Variants in SRPK2 observed in about 807,000 individuals in gnomAD.
SRPK2 encodes SFRS protein kinase 2.
SRPK2 carries 21 observed loss-of-function variants against 90.8 expected under a neutral mutation model. The ratio of observed to expected loss-of-function variants is 0.23; its 90% CI spans 0.16 to 0.33. The LOEUF (loss-of-function observed/expected upper bound fraction) is 0.33, where lower values mean the gene tolerates loss of function less well. Ranked by LOEUF, SRPK2 falls within the 10% of genes least tolerant of loss-of-function variation. The probability of loss-of-function intolerance (pLI) is 1.00; values close to 1 mark genes in which losing one functional copy is unlikely to be tolerated. For synonymous variants in SRPK2, 288 were observed against 311.1 expected (o/e 0.93, Z 0.78); for missense variants, 620 against 869.0 (o/e 0.71, Z 3.60).
At chr7:105,287,905 G>T (rs2130947601) in intron 2 of SRPK2, among the ~76,000 whole-genome samples, 1 of 152,172 alleles carries the variant, frequency 6.6e-6, no homozygotes, top group East Asian at 1.9e-4. Flanking sequence ...TCTTACCAAA[G>T]GATGCCCCAT....
intron 2 of SRPK2, among the ~76,000 whole-genome samples, chr7:105,232,788 G>A (rs1799611616): frequency 6.6e-6 from 1 of 152,128 alleles, no homozygotes; most frequent in African/African-American, 2.4e-5. Context: ...GCTGAGGCAG[G>A]TGGATTACGA....
chr7:105,184,100 G>A (rs112142930), intron 3 of SRPK2, among the ~76,000 whole-genome samples: 62,248 of 148,052 alleles, frequency 0.42, 14,743 homozygotes, highest in Non-Finnish European at 0.53. Context: ...CTCAGCCTCC[G>A]GAGTAGCTGG....
chr7:105,248,473 G>A (rs1802025783), intron 2 of SRPK2, among the ~76,000 whole-genome samples: 1 of 150,008 alleles, frequency 6.7e-6, no homozygotes, highest in Non-Finnish European at 1.5e-5. Context: ...GCATGGTGGT[G>A]TGCACCTATA....
At chr7:105,185,546 CA>C (rs1051226020) in intron 3 of SRPK2, among the ~76,000 whole-genome samples, 2 of 151,520 alleles carry the variant, frequency 1.3e-5, no homozygotes, top group African/African-American at 4.8e-5. Flanking sequence ...GTTCTCTTGT[CA>C]AAAAATAATA....
intron 2 of SRPK2, among the ~76,000 whole-genome samples, chr7:105,281,388 G>A (rs1373905545): frequency 6.6e-6 from 1 of 152,066 alleles, no homozygotes; most frequent in East Asian, 1.9e-4. Flanking sequence ...GAGCAACCAC[G>A]CCTGGCCTCC....
At chr7:105,260,473 G>A (rs912032130) in intron 2 of SRPK2, among the ~76,000 whole-genome samples, 4 of 152,162 alleles carry the variant, frequency 2.6e-5, no homozygotes, top group Admixed American at 2.0e-4. Context: ...AAGACAGTGT[G>A]GCAATTCCTC....
intron 2 of SRPK2, among the ~76,000 whole-genome samples, chr7:105,365,778 C>CA (rs1818975883): frequency 6.6e-6 from 1 of 151,384 alleles, no homozygotes. Flanking sequence ...CCTGGGAGAA[C>CA]AAAACTCTAT....
At chr7:105,319,512 G>A (rs1554508533) in intron 2 of SRPK2, among the ~76,000 whole-genome samples, 1 of 115,368 alleles carries the variant, frequency 8.7e-6, no homozygotes, top group Non-Finnish European at 1.8e-5. Flanking sequence ...GGCGGGGGGG[G>A]GGGGGGCGGT....
intron 2 of SRPK2, among the ~76,000 whole-genome samples, chr7:105,352,227 C>A (rs530676848): frequency 3.9e-5 from 6 of 152,310 alleles, no homozygotes; most frequent in African/African-American, 1.4e-4. Flanking sequence ...AAGGGCAGAA[C>A]CTGAACTCTC....
At chr7:105,164,081 T>C (rs894432596) in intron 6 of SRPK2, among the ~76,000 whole-genome samples, 5 of 152,146 alleles carry the variant, frequency 3.3e-5, no homozygotes, top group Non-Finnish European at 5.9e-5. Context: ...GGTTCTACAG[T>C]ATGATCCTGA....
chr7:105,227,402 A>C (rs1798841753), intron 2 of SRPK2, among the ~76,000 whole-genome samples: 1 of 152,172 alleles, frequency 6.6e-6, no homozygotes, highest in African/African-American at 2.4e-5. Flanking sequence ...GAAAAGACAC[A>C]ATTTAAAAAA....
intron 2 of SRPK2, among the ~76,000 whole-genome samples, chr7:105,289,286 TA>T (rs528163048): frequency 6.0e-4 from 88 of 146,046 alleles, no homozygotes; most frequent in African/African-American, 1.9e-3. Context: ...AAAAAATAAA[TA>T]AAAAAAAAAT....
intron 2 of SRPK2, among the ~76,000 whole-genome samples, chr7:105,250,250 A>C (rs1474455876): frequency 6.6e-6 from 1 of 152,062 alleles, no homozygotes; most frequent in Non-Finnish European, 1.5e-5. Context: ...CAGGAGAATC[A>C]CTTGAACCCA....
chr7:105,261,611 A>C (rs1313112001), intron 2 of SRPK2, among the ~76,000 whole-genome samples: 1 of 152,224 alleles, frequency 6.6e-6, no homozygotes, highest in Non-Finnish European at 1.5e-5. Context: ...ATTATTTATT[A>C]ATCTATGCCA....
intron 2 of SRPK2, among the ~76,000 whole-genome samples, chr7:105,271,201 G>A (rs920344699): frequency 1.3e-5 from 2 of 152,218 alleles, no homozygotes; most frequent in East Asian, 1.9e-4. Context: ...TTCAGTATAC[G>A]TACGTATATC....
chr7:105,211,781 G>A (rs560691002), intron 2 of SRPK2, among the ~76,000 whole-genome samples: 1 of 152,314 alleles, frequency 6.6e-6, no homozygotes, highest in African/African-American at 2.4e-5. Flanking sequence ...GCAAACAATT[G>A]TAATTCCAAG....
At chr7:105,331,308 CAAAAAAAAAA>C (rs57653042) in intron 2 of SRPK2, among the ~76,000 whole-genome samples, 43 of 45,104 alleles carry the variant, frequency 9.5e-4, no homozygotes, top group African/African-American at 1.5e-3. Flanking sequence ...GACTCCGTCT[CAAAAAAAAAA>C]AAAAAAAAAA....
chr7:105,304,221 T>A (rs979034650), intron 2 of SRPK2: 1 of 152,234 alleles, frequency 6.6e-6, no homozygotes, highest in Non-Finnish European at 1.5e-5. Flanking sequence ...TTCATCATCC[T>A]ATTTTGGCTC....
chr7:105,263,565 A>G (rs549419277), intron 2 of SRPK2, among the ~76,000 whole-genome samples: 6 of 152,322 alleles, frequency 3.9e-5, no homozygotes, highest in African/African-American at 1.4e-4. Flanking sequence ...ATAATGTTCA[A>G]AACAGATACA....
Sources: allele counts gnomAD v4.1 joint callset (sites outside exome capture counted in the v4.1 genomes callset), GRCh38; gene constraint gnomAD v4.1.1; transcripts MANE v1.5; gene names NCBI Gene and HGNC (gene_info 2026-07-23, HGNC 2026-07-21).